EPHA5: variants seen among roughly 807,000 people sequenced by gnomAD.
EPHA5 encodes the protein ephrin type-A receptor 5.
EPHA5 carries 60 observed loss-of-function variants against 105.0 expected under a neutral mutation model. The observed-to-expected ratio is 0.57, with a 90% CI of 0.46 to 0.71. The LOEUF is 0.71. Among genes scored for constraint, EPHA5 ranks in the 30% least tolerant of loss-of-function variants. EPHA5 has a pLI of 0.00. For missense variants in EPHA5, 1,218 were observed against 1,274.7 expected (o/e 0.96, Z 0.68); for synonymous variants, 513 against 449.1 (o/e 1.14, Z -1.80).
At position 65,430,592 on chromosome 4, in the gene EPHA5, T is replaced by C. The variant is rs571880356; in HGVS notation, c.1403-10027A>G. On this transcript the variant is annotated intron_variant, in intron 5 of 16. Transcript: ENST00000613740. ...CACTTTATATACATTAACTCATTCATCCTTCCTAACATCATTAGGAAGTAG... is the reference window on the plus strand; with the variant it reads ...CACTTTATATACATTAACTCATTCACCCTTCCTAACATCATTAGGAAGTAG... Among the ~76,000 whole-genome samples the C allele has an allele frequency of 1.7e-4, 26 of 152,210 alleles. No individual in the cohort carries two copies. In the East Asian group the frequency reaches 4.4e-3, roughly 26 times the overall value.
At chr4:65,596,024 A>G (rs1219467102) in intron 3 of EPHA5, among the ~76,000 whole-genome samples, 2 of 152,194 alleles carry the variant, frequency 1.3e-5, no homozygotes, top group Admixed American at 1.3e-4. Flanking sequence ...TGGTTAAACT[A>G]CTAGGGCATG....
intron 8 of EPHA5, among the ~76,000 whole-genome samples, chr4:65,374,167 C>T (rs1002017668): frequency 1.3e-5 from 2 of 151,822 alleles, no homozygotes; most frequent in African/African-American, 2.4e-5. Context: ...ATAAAGGCAA[C>T]GGCAACTTAA....
intron 8 of EPHA5, among the ~76,000 whole-genome samples, chr4:65,396,004 C>T (rs903773045): frequency 6.6e-6 from 1 of 152,156 alleles, no homozygotes; most frequent in Admixed American, 6.5e-5. Flanking sequence ...AGGAGCCCTG[C>T]TCTTCTAGGC....
At chr4:65,658,157 T>G (rs552476419) in intron 1 of EPHA5, among the ~76,000 whole-genome samples, 21 of 152,152 alleles carry the variant, frequency 1.4e-4, no homozygotes, top group African/African-American at 5.1e-4. Flanking sequence ...GGGAAAATCT[T>G]GTACAGACCT....
At chr4:65,549,259 A>G (rs1737666379) in intron 3 of EPHA5, among the ~76,000 whole-genome samples, 1 of 152,154 alleles carries the variant, frequency 6.6e-6, no homozygotes, top group East Asian at 1.9e-4. Context: ...CTGGCAACAC[A>G]GAGCTGATCA....
intron 3 of EPHA5, among the ~76,000 whole-genome samples, chr4:65,500,696 T>A (rs1732398532): frequency 6.6e-6 from 1 of 150,746 alleles, no homozygotes; most frequent in African/African-American, 2.4e-5. Context: ...AAGTCAATAC[T>A]CCAGAAATAT....
intron 5 of EPHA5, among the ~76,000 whole-genome samples, chr4:65,469,187 A>C (rs1215840890): frequency 6.6e-6 from 1 of 152,154 alleles, no homozygotes; most frequent in Non-Finnish European, 1.5e-5. Context: ...AAGAAGGTCA[A>C]GTTCTGCAAA....
At chr4:65,604,525 T>C (rs1331766796) in intron 2 of EPHA5, among the ~76,000 whole-genome samples, 21 of 152,242 alleles carry the variant, frequency 1.4e-4, no homozygotes, top group Admixed American at 1.3e-3. Flanking sequence ...TAAATAATTA[T>C]GGCCATAAGC....
intron 2 of EPHA5, among the ~76,000 whole-genome samples, chr4:65,611,592 T>C (rs1345426383): frequency 6.6e-6 from 1 of 151,092 alleles, no homozygotes; most frequent in East Asian, 2.0e-4. Flanking sequence ...ATATATCCAC[T>C]CTATAAAATA....
At chr4:65,469,959 A>T (rs1031499100) in intron 5 of EPHA5, among the ~76,000 whole-genome samples, 3 of 152,136 alleles carry the variant, frequency 2.0e-5, no homozygotes, top group Non-Finnish European at 4.4e-5. Flanking sequence ...GAAAAAGCCA[A>T]AATAGCCATT....
rs80050373 is a variant in EPHA5, at chr4:65,323,266, A to G, written c.*848T>C. ...ACAAGCTTGTGTTAAATTTTGTTTT[A>G]CTGCTTCCCTATTTCTCCTATTCAT... On this transcript the variant is annotated 3_prime_UTR_variant, in exon 17 of 17. Transcript: ENST00000613740. 866 of 229,378 alleles carry G rather than the reference A, an allele frequency of 3.8e-3. 19 individuals are homozygous for G. The East Asian group carries it at 0.052, about 14-fold the overall frequency. 14.2% of individuals were successfully genotyped at this position (229,378 alleles called of 1,614,324 possible). A position where few individuals can be genotyped will look rare whatever the true frequency, so the allele number is the denominator to read the frequency against.
In EPHA5 at chr4:65,423,079, CAA is replaced by C. The variant is rs1172205925; in HGVS notation, c.1403-2516_1403-2515del. 7.2e-5 allele frequency among the ~76,000 whole-genome samples: 11 copies of C among 152,096 alleles called. No homozygotes were observed. In the East Asian group the frequency reaches 1.7e-3, roughly 24 times the overall value. ...GCTCCTCTTGGTTATGGCAGTTTTTCAAAGTTTCCTTGATTTGATGACCTTGA... is the reference window on the plus strand; with the variant it reads ...GCTCCTCTTGGTTATGGCAGTTTTTCAGTTTCCTTGATTTGATGACCTTGA... On this transcript the variant is annotated intron_variant, in intron 5 of 16. Transcript: ENST00000613740.
chr4:65,442,184 T>A (rs966881234), intron 5 of EPHA5, among the ~76,000 whole-genome samples: 3 of 151,912 alleles, frequency 2.0e-5, no homozygotes, highest in African/African-American at 7.3e-5. Flanking sequence ...ACCAATGCAA[T>A]GGAATTTAAA....
Position 65,643,404 on chromosome 4 carries a change from C to G in EPHA5, c.205G>C (p.Val69Leu), listed in dbSNP as rs2149514876. 1 of 1,613,136 alleles carries G rather than the reference C, an allele frequency of 6.2e-7. No individual in the cohort carries two copies. The highest frequency in any genetic ancestry group is 8.5e-7 in the Non-Finnish European group (1 of 1,179,322). ...GCAATCCATCCCAGGTCCCCCATGACAGTGCGTGAATCCAATAAATTCACT... is the reference window on the plus strand; with the variant it reads ...GCAATCCATCCCAGGTCCCCCATGAGAGTGCGTGAATCCAATAAATTCACT... ...NEVNLLDSRT[V>L]MGDLGWIAFP... Residue 69 changes from valine (V) to leucine (L), a missense_variant, in exon 2 of 17, where the codon GTC becomes CTC. Around this residue, in one of 3 missense-constraint regions of EPHA5, gnomAD observed 233 missense variants for 227.5 expected, o/e 1.02. Transcript: ENST00000613740.
At chr4:65,333,873 C>T (rs191776763) in intron 15 of EPHA5, among the ~76,000 whole-genome samples, 30 of 151,820 alleles carry the variant, frequency 2.0e-4, no homozygotes, top group Non-Finnish European at 2.7e-4. Flanking sequence ...CATCCGTGTG[C>T]TCTTGAAGTT....
At chr4:65,520,230 T>C (rs1472060313) in intron 3 of EPHA5, among the ~76,000 whole-genome samples, 1 of 152,102 alleles carries the variant, frequency 6.6e-6, no homozygotes, top group African/African-American at 2.4e-5. Context: ...ACCACACATC[T>C]ACAACCATCT....
At chr4:65,463,190 A>G (rs1463062689) in intron 5 of EPHA5, among the ~76,000 whole-genome samples, 2 of 152,160 alleles carry the variant, frequency 1.3e-5, no homozygotes, top group Non-Finnish European at 2.9e-5. Context: ...TGTGTGATGC[A>G]AGTTTGTTCA....
At chr4:65,658,067 GA>G (rs1415136422) in intron 1 of EPHA5, among the ~76,000 whole-genome samples, 3 of 151,910 alleles carry the variant, frequency 2.0e-5, no homozygotes, top group Admixed American at 6.6e-5. Flanking sequence ...GCAAAGATCA[GA>G]AATGTACAGA....
At chr4:65,574,608 A>T (rs890690186) in intron 3 of EPHA5, among the ~76,000 whole-genome samples, 3 of 136,672 alleles carry the variant, frequency 2.2e-5, no homozygotes, top group Non-Finnish European at 4.7e-5. Flanking sequence ...CTGTATATAT[A>T]TATACATATA....
Sources: gnomAD v4.1 joint callset for allele counts (sites outside exome capture counted in the v4.1 genomes callset) on GRCh38, gnomAD v4.1.1 for gene constraint, gnomAD v4.1.1 regional missense constraint, MANE v1.5 for transcripts, NCBI Gene and HGNC (gene_info 2026-07-23, HGNC 2026-07-21) for gene names.